The following MAN1C1 variants were observed in gnomAD, a reference collection of about 807,000 sequenced individuals.
MAN1C1 encodes the protein mannosidase alpha class 1C member 1.
A neutral mutation model predicts 71.5 loss-of-function variants in MAN1C1; 49 were observed. The ratio of observed to expected loss-of-function variants is 0.69; its 90% CI spans 0.54 to 0.87. The LOEUF (loss-of-function observed/expected upper bound fraction) is 0.87. Ranked by LOEUF, MAN1C1 falls within the 40% of genes least tolerant of loss-of-function variation. MAN1C1 has a pLI of 0.00. For synonymous variants in MAN1C1, 352 were observed against 343.7 expected (o/e 1.02, Z -0.27); for missense variants, 743 against 835.0 (o/e 0.89, Z 1.36).
In MAN1C1 at chr1:25,618,016, C is replaced by T. The variant is rs1382609880; in HGVS notation, c.219C>T (p.Ala73=). The T allele has an allele frequency of 6.2e-7, 1 of 1,600,884 alleles. No homozygotes were observed. Among genetic ancestry groups the T allele is most frequent in the South Asian group, 1.1e-5 (1 of 90,240 alleles). ...LEVVAEIAGH[A]PAREQEPPPN... is the part of the protein sequence containing the mutation. ...TGGTGGCTGAAATCGCCGGCCATGC[C>T]CCGGCCCGCGAGCAGGAGCCGCCTC... The change falls in exon 1 of 12, where the codon GCC becomes GCT. Residue 73 remains alanine (A), a synonymous_variant. Coordinates refer to ENST00000374332, the MANE Select transcript of MAN1C1 (RefSeq NM_020379.4).
intron 3 of MAN1C1, among the ~76,000 whole-genome samples, chr1:25,747,689 C>T (rs1021314565): frequency 1.3e-5 from 2 of 152,168 alleles, no homozygotes; most frequent in African/African-American, 2.4e-5. Context: ...GGGAACGCAA[C>T]ACTTTAGGGG....
chr1:25,728,354 G>T (rs1457485924), intron 2 of MAN1C1, among the ~76,000 whole-genome samples: 1 of 152,128 alleles, frequency 6.6e-6, no homozygotes, highest in Non-Finnish European at 1.5e-5. Context: ...CTCGCTGCTT[G>T]CAAAGCACTC....
At chr1:25,703,629 C>T (rs534826380) in intron 2 of MAN1C1, among the ~76,000 whole-genome samples, 2 of 151,972 alleles carry the variant, frequency 1.3e-5, no homozygotes, top group African/African-American at 4.8e-5. Flanking sequence ...TGCAGTGAGC[C>T]GAGATCGTGC....
chr1:25,660,985 C>T (rs1267000716), intron 1 of MAN1C1, among the ~76,000 whole-genome samples: 1 of 152,244 alleles, frequency 6.6e-6, no homozygotes, highest in Non-Finnish European at 1.5e-5. Flanking sequence ...GCCACCATGC[C>T]TGGCCAAAAG....
At position 25,735,607 on chromosome 1, in the gene MAN1C1, G is replaced by A. The variant is rs1172869462; in HGVS notation, c.638-11061G>A. 1.3e-5 allele frequency among the ~76,000 whole-genome samples: 2 copies of A among 152,118 alleles called. No homozygotes were observed. Among genetic ancestry groups the A allele is most frequent in the Admixed American group, 6.5e-5 (1 of 15,268 alleles). On this transcript the variant is annotated intron_variant, in intron 2 of 11. Transcript: ENST00000374332. This position sits in a 1 kb window ranked among gnomAD's most constrained non-coding sequence, Gnocchi z 4.6. ...GTATCAGTCATCTATTTCCATAATA[G>A]GGTTGTATTATAACAAAGTATTCCA...
At chr1:25,736,404 C>G (rs2046982998) in intron 2 of MAN1C1, among the ~76,000 whole-genome samples, 1 of 152,172 alleles carries the variant, frequency 6.6e-6, no homozygotes, top group Admixed American at 6.6e-5. Context: ...CTGGGTGTGT[C>G]ATATTCTCCT....
intron 2 of MAN1C1, among the ~76,000 whole-genome samples, chr1:25,727,986 G>A (rs533042379): frequency 2.0e-5 from 3 of 152,374 alleles, no homozygotes; most frequent in African/African-American, 7.2e-5. Flanking sequence ...AGGGAATGCA[G>A]TTTCCTGTTA....
At chr1:25,708,993 C>T (rs2046566367) in intron 2 of MAN1C1, among the ~76,000 whole-genome samples, 1 of 152,142 alleles carries the variant, frequency 6.6e-6, no homozygotes, top group African/African-American at 2.4e-5. Flanking sequence ...TGAGCCCAGC[C>T]CCAGGGACCG....
intron 1 of MAN1C1, among the ~76,000 whole-genome samples, chr1:25,636,199 G>A (rs1224942966): frequency 1.3e-5 from 2 of 152,180 alleles, no homozygotes; most frequent in Non-Finnish European, 2.9e-5. Flanking sequence ...TGCACGTATT[G>A]TCTTGATAAA....
chr1:25,621,456 G>A (rs1158377567), intron 1 of MAN1C1, among the ~76,000 whole-genome samples: 1 of 152,144 alleles, frequency 6.6e-6, no homozygotes, highest in African/African-American at 2.4e-5. Context: ...AGGAAATGGG[G>A]GATGTCATTC....
chr1:25,733,961 G>A (rs967082934), intron 2 of MAN1C1, among the ~76,000 whole-genome samples: 6 of 151,522 alleles, frequency 4.0e-5, no homozygotes, highest in African/African-American at 7.3e-5. Flanking sequence ...CACCACGCCC[G>A]GCTAATTTTT....
In MAN1C1 at chr1:25,631,755, G is replaced by GTTCTACTTTCTACATTTCTA. The variant is rs1327655486; in HGVS notation, c.540+13418_540+13419insTTCTACTTTCTACATTTCTA. Reference sequence around the variant, plus strand: ...TGGTTTTGTTATGAAAGTGATACTGGCTTCGTAGAATGATTTAGGGAGGAT... The same window carrying GTTCTACTTTCTACATTTCTA: ...TGGTTTTGTTATGAAAGTGATACTGGTTCTACTTTCTACATTTCTACTTCGTAGAATGATTTAGGGAGGAT... On this transcript the variant is annotated intron_variant, in intron 1 of 11. Transcript: ENST00000374332. The surrounding 1 kb of genome is among the most constrained non-coding windows in gnomAD (Gnocchi z 4.2). Among the ~76,000 whole-genome samples the GTTCTACTTTCTACATTTCTA allele has an allele frequency of 6.6e-6, 1 of 152,042 alleles. No individual in the cohort carries two copies. Among genetic ancestry groups the GTTCTACTTTCTACATTTCTA allele is most frequent in the Non-Finnish European group, 1.5e-5 (1 of 68,010 alleles).
chr1:25,696,336 G>A (rs1258708130), intron 2 of MAN1C1, among the ~76,000 whole-genome samples: 1 of 152,112 alleles, frequency 6.6e-6, no homozygotes, highest in Non-Finnish European at 1.5e-5. Flanking sequence ...CCGGGAGGCA[G>A]GTCCTGAGAG....
chr1:25,758,667 A>G lies in MAN1C1; in HGVS notation c.1005A>G (p.Leu335=). ...TTGGATCCCTGCACTTGGAATTCTTACACCTCACTGAACTCTCTGGCAACC... is the reference window on the plus strand; with the variant it reads ...TTGGATCCCTGCACTTGGAATTCTTGCACCTCACTGAACTCTCTGGCAACC... ...AEFGSLHLEF[L]HLTELSGNQV... Residue 335 remains leucine, a synonymous_variant, in exon 6 of 12, where the codon TTA becomes TTG. Coordinates refer to ENST00000374332, the MANE Select transcript of MAN1C1 (RefSeq NM_020379.4). 1 of 1,614,162 alleles carries G rather than the reference A, an allele frequency of 6.2e-7. No homozygotes were observed. The highest frequency in any genetic ancestry group is 8.5e-7 in the Non-Finnish European group (1 of 1,180,008).
rs1482379814 is a variant in MAN1C1 at position 25,634,694 on chromosome 1, C to G, written c.540+16357C>G. Among the ~76,000 whole-genome samples the G allele has an allele frequency of 6.6e-6, 1 of 152,052 alleles. No homozygotes were observed. The highest frequency in any genetic ancestry group is 6.5e-5 in the Admixed American group (1 of 15,270). ...AATCAGCCGGGCTTCTTGGCACACG[C>G]CTGTAGTCCCAGCTATTCAGGAGGC... On this transcript the variant is annotated intron_variant, in intron 1 of 11. Coordinates refer to ENST00000374332, the MANE Select transcript of MAN1C1 (RefSeq NM_020379.4). The surrounding 1 kb of genome is among the most constrained non-coding windows in gnomAD (Gnocchi z 4.6).
intron 2 of MAN1C1, among the ~76,000 whole-genome samples, chr1:25,689,177 T>C (rs1216213760): frequency 6.6e-6 from 1 of 152,116 alleles, no homozygotes; most frequent in African/African-American, 2.4e-5. Context: ...GCGAAAGTTC[T>C]ACCAACTCTG....
At chr1:25,648,588 C>T (rs890145087) in intron 1 of MAN1C1, among the ~76,000 whole-genome samples, 1 of 152,230 alleles carries the variant, frequency 6.6e-6, no homozygotes, top group African/African-American at 2.4e-5. Flanking sequence ...CCATCTGTCC[C>T]TGCCCTTTAC....
chr1:25,718,446 T>C (rs1170823005), intron 2 of MAN1C1, among the ~76,000 whole-genome samples: 1 of 152,242 alleles, frequency 6.6e-6, no homozygotes, highest in South Asian at 2.1e-4. Flanking sequence ...ATAATTTTGT[T>C]GACACATAAT....
Position 25,746,818 on chromosome 1 carries a change from G to T in MAN1C1, c.753+35G>T. 1.2e-6 allele frequency: 1 copy of T among 864,214 alleles called. No homozygotes were observed. Among genetic ancestry groups the T allele is most frequent in the Non-Finnish European group, 1.8e-6 (1 of 548,336 alleles). 53.5% of individuals were successfully genotyped at this position (864,214 alleles called of 1,614,324 possible). The stretch of plus-strand genomic sequence containing the variant: ...AGGCCCTCGGCGGGGGAGGGGGGCG[G>T]GGGCCAGAAGAGGCCCAACAGCCAG... On this transcript the variant is annotated intron_variant, in intron 3 of 11. Transcript: ENST00000374332. The surrounding 1 kb of genome is among the most constrained non-coding windows in gnomAD (Gnocchi z 4.0).
Sources: gnomAD v4.1 joint callset for allele counts (sites outside exome capture counted in the v4.1 genomes callset) on GRCh38, gnomAD v4.1.1 for gene constraint, Gnocchi (gnomAD v3.1) non-coding constraint, MANE v1.5 for transcripts, NCBI Gene and HGNC (gene_info 2026-07-23, HGNC 2026-07-21) for gene names.